MAX: variants seen among roughly 807,000 people sequenced by gnomAD.
The protein encoded by MAX is MYC associated transcriptional regulator X.
A neutral mutation model predicts 22.3 loss-of-function variants in MAX; 3 were observed. That is an observed-to-expected ratio of 0.13 (90% CI 0.06 to 0.35). MAX has a LOEUF of 0.35. MAX is among the 10% of genes least tolerant of loss of function. MAX has a pLI of 1.00. For missense variants in MAX, 119 were observed against 209.4 expected (o/e 0.57, Z 2.66); for synonymous variants, 72 against 77.7 (o/e 0.93, Z 0.39).
chr14:65,100,831 C>A (rs182222598), intron 2 of MAX, among the ~76,000 whole-genome samples: 1 of 152,330 alleles, frequency 6.6e-6, no homozygotes, highest in East Asian at 1.9e-4. Context: ...ATCCACAGAA[C>A]CATCTACTGA....
In MAX at chr14:65,038,326, C is replaced by T. The variant is rs1396061047; in HGVS notation, c.172-32042G>A. ...TCGGGAGGCTGAGGCAGGAGAATTG[C>T]TTGAACCCAGGAGGCAGAGGTTGCA... On this transcript the variant is annotated intron_variant, in intron 3 of 3. Transcript: ENST00000341653. Among the ~76,000 whole-genome samples, 3 of 152,040 alleles carry T rather than the reference C, an allele frequency of 2.0e-5. No homozygotes were observed. In the East Asian group the frequency reaches 5.8e-4, roughly 30 times the overall value.
intron 3 of MAX, among the ~76,000 whole-genome samples, chr14:65,058,765 C>T (rs2062799086): frequency 2.0e-5 from 3 of 152,164 alleles, no homozygotes; most frequent in African/African-American, 4.8e-5. Context: ...TGATGTTAAG[C>T]CTTATATTCC....
At chr14:65,085,675 G>A (rs2063311848) in intron 3 of MAX, among the ~76,000 whole-genome samples, 1 of 152,110 alleles carries the variant, frequency 6.6e-6, no homozygotes, top group Non-Finnish European at 1.5e-5. Flanking sequence ...CTAAGGGAGG[G>A]GCAGTATTTG....
In MAX at chr14:65,101,479, C is replaced by T. The variant is rs117197166; in HGVS notation, c.63+67G>A. The T allele has an allele frequency of 0.038, 51,605 of 1,366,396 alleles. 1,221 individuals are homozygous for T. Among genetic ancestry groups the T allele is most frequent in the Middle Eastern group, 0.063 (349 of 5,544 alleles). 84.6% of individuals were successfully genotyped at this position (1,366,396 alleles called of 1,614,324 possible). On this transcript the variant is annotated intron_variant, in intron 2 of 4. Coordinates refer to ENST00000358664, the MANE Select transcript of MAX (RefSeq NM_002382.5). ...AAAAGTAATAGTACGATCTCTTTTT[C>T]TCTCTGACCCCAAAAAGGAATAGAA...
rs1367456297 is a variant in MAX, at chr14:65,076,957, C to T, written c.296-294G>A. 4 of 561,030 alleles carry T rather than the reference C, an allele frequency of 7.1e-6. No homozygotes were observed. Among genetic ancestry groups the T allele is most frequent in the Middle Eastern group, 4.8e-4 (1 of 2,090 alleles). The allele number at this position is 561,030 out of a possible 1,614,324, so 34.8% of individuals were successfully genotyped here. A position where few individuals can be genotyped will look rare whatever the true frequency, so the allele number is the denominator to read the frequency against. On this transcript the variant is annotated intron_variant, in intron 4 of 4. Transcript: ENST00000358664. The surrounding 1 kb of genome is among the most constrained non-coding windows in gnomAD (Gnocchi z 6.6). ...TGGAAGCCCCGTGGAGAGACTGGAGCGTGAGCTCCCTGTGGGATTCAGCAG... is the reference window on the plus strand; with the variant it reads ...TGGAAGCCCCGTGGAGAGACTGGAGTGTGAGCTCCCTGTGGGATTCAGCAG...
At chr14:65,065,291 G>A (rs911368549) in intron 3 of MAX, among the ~76,000 whole-genome samples, 2 of 152,160 alleles carry the variant, frequency 1.3e-5, no homozygotes, top group African/African-American at 2.4e-5. Context: ...CATGGCTCCC[G>A]AGGCCCACGT....
rs772007018 is a variant in MAX, at chr14:65,006,310, T to C, written c.172-26A>G. On this transcript the variant is annotated intron_variant, in intron 3 of 3. Transcript: ENST00000341653. ...CTGGGGAAGGAAAGGAGGAAAAATATCAGCTTACTAGTATAGTCTTTCCCT... is the reference window on the plus strand; with the variant it reads ...CTGGGGAAGGAAAGGAGGAAAAATACCAGCTTACTAGTATAGTCTTTCCCT... 19 of 1,613,620 alleles carry C rather than the reference T, an allele frequency of 1.2e-5. No homozygotes were observed. In the South Asian group the frequency reaches 1.5e-4, roughly 13 times the overall value.
chr14:65,062,899 C>A lies in MAX; in HGVS notation c.171+30809G>T, dbSNP rs946606195. On this transcript the variant is annotated intron_variant, in intron 3 of 3. Coordinates refer to the MAX transcript ENST00000341653. The surrounding 1 kb of genome is among the most constrained non-coding windows in gnomAD (Gnocchi z 4.3). Reference sequence around the variant, plus strand: ...GGTAATTCGGTATGCTATGTCCCAGCCCTCCACACACTGCACTTCATGGTC... The same window carrying A: ...GGTAATTCGGTATGCTATGTCCCAGACCTCCACACACTGCACTTCATGGTC... Among the ~76,000 whole-genome samples the A allele has an allele frequency of 3.3e-5, 5 of 152,206 alleles. No individual in the cohort carries two copies. The highest frequency in any genetic ancestry group is 7.3e-5 in the Non-Finnish European group (5 of 68,032).
At chr14:65,072,590 C>A (rs562736454), downstream of MAX, among the ~76,000 whole-genome samples, 1 of 152,294 alleles carries the variant, frequency 6.6e-6, no homozygotes, top group East Asian at 1.9e-4. Flanking sequence ...GCTTGTTAAA[C>A]TGACTGGTGA....
At chr14:65,099,577 C>G (rs1268131281) in intron 2 of MAX, among the ~76,000 whole-genome samples, 2 of 151,516 alleles carry the variant, frequency 1.3e-5, no homozygotes, top group South Asian at 2.1e-4. Context: ...ACACAACTTT[C>G]TCTTACTGGG....
At chr14:65,042,990 G>A (rs2062385829) in intron 3 of MAX, among the ~76,000 whole-genome samples, 1 of 152,196 alleles carries the variant, frequency 6.6e-6, no homozygotes, top group Non-Finnish European at 1.5e-5. Context: ...TTGCCTTGAA[G>A]AGGGAATAAT....
chr14:65,092,323 G>A (rs1162864999), intron 3 of MAX, among the ~76,000 whole-genome samples: 1 of 152,154 alleles, frequency 6.6e-6, no homozygotes, highest in Admixed American at 6.5e-5. Context: ...CTCCTGGTTA[G>A]GTGAGACTTA....
intron 3 of MAX, among the ~76,000 whole-genome samples, chr14:65,021,169 C>A (rs972274978): frequency 5.3e-5 from 8 of 152,162 alleles, no homozygotes; most frequent in Non-Finnish European, 1.2e-4. Context: ...TAATGAGAAT[C>A]CCATTCTTTG....
chr14:65,032,528 C>G lies in MAX; in HGVS notation c.172-26244G>C, dbSNP rs920179789. 6.7e-7 allele frequency: 1 copy of G among 1,494,226 alleles called. No homozygotes were observed. The highest frequency in any genetic ancestry group is 1.4e-5 in the African/African-American group (1 of 71,846). 92.6% of individuals were successfully genotyped at this position (1,494,226 alleles called of 1,614,324 possible). A position where few individuals can be genotyped will look rare whatever the true frequency, so the allele number is the denominator to read the frequency against. On this transcript the variant is annotated intron_variant, in intron 3 of 3. Transcript: ENST00000341653. This position sits in a 1 kb window ranked among gnomAD's most constrained non-coding sequence, Gnocchi z 5.0. ...GGTGATTACAGCTTACTAGGCAAGGCGAGCAGTCCGCCCGCGGAGTTCACT... is the reference window on the plus strand; with the variant it reads ...GGTGATTACAGCTTACTAGGCAAGGGGAGCAGTCCGCCCGCGGAGTTCACT...
At position 65,012,140 on chromosome 14, in the gene MAX, T is replaced by G. The variant is rs967695548; in HGVS notation, c.172-5856A>C. 10 of 645,440 alleles carry G rather than the reference T, an allele frequency of 1.5e-5. No individual in the cohort carries two copies. The highest frequency in any genetic ancestry group is 2.9e-5 in the East Asian group (1 of 34,080). The allele number at this position is 645,440 out of a possible 1,614,324, so 40.0% of individuals were successfully genotyped here. On this transcript the variant is annotated intron_variant, in intron 3 of 3. Coordinates refer to the MAX transcript ENST00000341653. This position sits in a 1 kb window ranked among gnomAD's most constrained non-coding sequence, Gnocchi z 5.0. Reference sequence around the variant, plus strand: ...CTTTAGAGACATTCAGACAAGAGCTTCTTTTCTCTGGTTTAGTTGCTCTTT... The same window carrying G: ...CTTTAGAGACATTCAGACAAGAGCTGCTTTTCTCTGGTTTAGTTGCTCTTT...
downstream of MAX, among the ~76,000 whole-genome samples, chr14:65,073,842 C>T (rs2063012709): frequency 6.6e-6 from 1 of 152,174 alleles, no homozygotes; most frequent in African/African-American, 2.4e-5. Flanking sequence ...TGCCAAAGTC[C>T]GCTCACCATG....
intron 3 of MAX, among the ~76,000 whole-genome samples, chr14:65,067,076 C>T (rs149022404): frequency 6.7e-6 from 1 of 149,460 alleles, no homozygotes; most frequent in African/African-American, 2.5e-5. Flanking sequence ...CTCACAGCTA[C>T]TTGGGAGGCT....
rs1352829978 is a variant in MAX at position 65,027,730 on chromosome 14, A to C, written c.172-21446T>G. 1 of 1,614,076 alleles carries C rather than the reference A, an allele frequency of 6.2e-7. No homozygotes were observed. On this transcript the variant is annotated intron_variant, in intron 3 of 3. Transcript: ENST00000341653. This position sits in a 1 kb window ranked among gnomAD's most constrained non-coding sequence, Gnocchi z 5.7. ...CTTCTTCAGTATTTGTACTCCCTGA[A>C]GCAACCTGACGGCTCCTTTCTCATG...
At chr14:65,072,111 G>A (rs2062993641), downstream of MAX, among the ~76,000 whole-genome samples, 3 of 152,144 alleles carry the variant, frequency 2.0e-5, no homozygotes, top group South Asian at 6.2e-4. Flanking sequence ...TTGAAGAAAG[G>A]AATGCTCTAG....
Sources: gnomAD v4.1 joint callset for allele counts (sites outside exome capture counted in the v4.1 genomes callset) on GRCh38, gnomAD v4.1.1 for gene constraint, Gnocchi (gnomAD v3.1) non-coding constraint, MANE v1.5 for transcripts, NCBI Gene and HGNC (gene_info 2026-07-23, HGNC 2026-07-21) for gene names.